Variants in CASR observed in about 807,000 individuals in gnomAD.
The protein encoded by CASR is calcium sensing receptor.
A neutral mutation model predicts 69.1 loss-of-function variants in CASR; 23 were observed. The ratio of observed to expected loss-of-function variants is 0.33; its 90% CI spans 0.24 to 0.47. The LOEUF (loss-of-function observed/expected upper bound fraction) is 0.47. Among genes scored for constraint, CASR ranks in the 20% least tolerant of loss-of-function variants. The probability of loss-of-function intolerance (pLI) is 1.00; values close to 1 mark genes in which losing one functional copy is unlikely to be tolerated. For missense variants in CASR, 924 were observed against 1,356.1 expected (o/e 0.68, Z 5.00); for synonymous variants, 541 against 544.7 (o/e 0.99, Z 0.10).
At chr3:122,201,115 G>GTCCC (rs2073946209) in intron 1 of CASR, among the ~76,000 whole-genome samples, 1 of 151,516 alleles carries the variant, frequency 6.6e-6, no homozygotes, top group African/African-American at 2.4e-5. Context: ...GTGAACAAAG[G>GTCCC]TCCCTGGTTT....
In CASR at chr3:122,284,475, A is replaced by T. The variant is rs2074939939; in HGVS notation, c.2521A>T (p.Ile841Phe). The change falls in exon 7 of 7, where the codon ATC becomes TTC. Residue 841 changes from isoleucine to phenylalanine, a missense_variant. Ile to Phe is a conservative substitution (Grantham distance 21, BLOSUM62 0). Around this residue, in one of 8 missense-constraint regions of CASR, gnomAD observed 0 missense variants for 16.6 expected, o/e 0.00. Transcript: ENST00000639785. ...KFVSAVEVIA[I>F]LAASFGLLAC... ...TGTCTCTGCCGTAGAGGTGATTGCC[A>T]TCCTGGCAGCCAGCTTTGGCTTGCT... is the stretch of plus-strand genomic sequence containing the variant. 6.2e-7 allele frequency: 1 copy of T among 1,613,452 alleles called. No individual in the cohort carries two copies. Among genetic ancestry groups the T allele is most frequent in the Admixed American group, 1.7e-5 (1 of 60,012 alleles).
At position 122,284,778 on chromosome 3, in the gene CASR, G is replaced by GAGC. The variant is rs747740545; in HGVS notation, c.2837_2839dup (p.Gln946dup). On this transcript the variant is annotated inframe_insertion, in exon 7 of 7. Coordinates refer to ENST00000639785, the MANE Select transcript of CASR (RefSeq NM_000388.4). ...GCAGCCGCTGGCCCTAACCCAGCAA[G>GAGC]AGCAGCAGCAGCAGCCCCTGACCCT... is the stretch of plus-strand genomic sequence containing the variant. 1.2e-5 allele frequency: 20 copies of GAGC among 1,613,906 alleles called. No individual in the cohort carries two copies. The highest frequency in any genetic ancestry group is 1.6e-5 in the Non-Finnish European group (19 of 1,180,008).
At chr3:122,224,350 G>A (rs1197705866) in intron 1 of CASR, among the ~76,000 whole-genome samples, 3 of 152,112 alleles carry the variant, frequency 2.0e-5, no homozygotes, top group African/African-American at 7.2e-5. Flanking sequence ...AAAGTTTTAG[G>A]ATACAAAATC....
chr3:122,269,947 T>A (rs1457121370), intron 4 of CASR, among the ~76,000 whole-genome samples: 4 of 152,136 alleles, frequency 2.6e-5, no homozygotes, highest in African/African-American at 9.7e-5. Context: ...GTTCAAGAGA[T>A]TCTTCTGCCT....
intron 1 of CASR, among the ~76,000 whole-genome samples, chr3:122,222,267 A>G (rs1433127528): frequency 2.6e-5 from 4 of 152,104 alleles, no homozygotes; most frequent in Non-Finnish European, 1.5e-5. Flanking sequence ...TGAGATATCC[A>G]CCACTTTTAA....
At chr3:122,277,118 G>A (rs2074832108) in intron 5 of CASR, among the ~76,000 whole-genome samples, 3 of 145,704 alleles carry the variant, frequency 2.1e-5, no homozygotes, top group South Asian at 4.3e-4. Context: ...GCACAATCTC[G>A]GCTCGCTGAA....
At chr3:122,213,025 C>A (rs1053781440) in intron 1 of CASR, among the ~76,000 whole-genome samples, 20 of 152,096 alleles carry the variant, frequency 1.3e-4, no homozygotes, top group Admixed American at 1.1e-3. Flanking sequence ...ATTACCTAAG[C>A]GCCCAGAAAG....
At chr3:122,273,686 A>C (rs150801520) in intron 4 of CASR, among the ~76,000 whole-genome samples, 3 of 152,272 alleles carry the variant, frequency 2.0e-5, no homozygotes, top group African/African-American at 7.2e-5. Flanking sequence ...CCCCAGCAGG[A>C]AGTGGGAGGG....
intron 1 of CASR, among the ~76,000 whole-genome samples, chr3:122,250,471 A>G (rs1258549531): frequency 2.0e-5 from 3 of 152,348 alleles, no homozygotes; most frequent in African/African-American, 4.8e-5. Context: ...GCCAGTTATA[A>G]TGTTCTCTCT....
rs186458835 is a variant in CASR at position 122,211,223 on chromosome 3, C to G, written c.-243+27411C>G. On this transcript the variant is annotated intron_variant, in intron 1 of 6. Transcript: ENST00000639785. Reference sequence around the variant, plus strand: ...ATGTCAAAAGCAATTGCAACACAAGCAAAAACTGACAAATGGGATCTAATT... The same window carrying G: ...ATGTCAAAAGCAATTGCAACACAAGGAAAAACTGACAAATGGGATCTAATT... Among the ~76,000 whole-genome samples the G allele has an allele frequency of 2.6e-3, 399 of 152,080 alleles. 2 individuals are homozygous for G. Among genetic ancestry groups the G allele is most frequent in the Non-Finnish European group, 4.4e-3 (298 of 67,968 alleles).
At position 122,280,861 on chromosome 3, in the gene CASR, T is replaced by C. The variant is rs572907868; in HGVS notation, c.1609-1252T>C. Among the ~76,000 whole-genome samples, 6 of 152,352 alleles carry C rather than the reference T, an allele frequency of 3.9e-5. No homozygotes were observed. The South Asian group carries it at 1.2e-3, about 32-fold the overall frequency. On this transcript the variant is annotated intron_variant, in intron 5 of 6. Coordinates refer to ENST00000639785, the MANE Select transcript of CASR (RefSeq NM_000388.4). ...TAAAAGCCCTACTATGTATTAAGCA[T>C]TACTCCAGGCTTTGTACCTGGGGTT...
At chr3:122,198,659 TA>T (rs1009591002) in intron 1 of CASR, among the ~76,000 whole-genome samples, 16 of 152,058 alleles carry the variant, frequency 1.1e-4, no homozygotes, top group African/African-American at 3.9e-4. Flanking sequence ...TGTTGTTTTT[TA>T]GGCAAATAAA....
rs1303452989 is a variant in CASR at position 122,284,600 on chromosome 3, G to T, written c.2646G>T (p.Lys882Asn). 6.2e-7 allele frequency: 1 copy of T among 1,614,030 alleles called. No homozygotes were observed. The highest frequency in any genetic ancestry group is 8.5e-7 in the Non-Finnish European group (1 of 1,180,032). ...VRCSTAAHAFKVAARATLRRS... is the reference protein window; with the variant it reads ...VRCSTAAHAFNVAARATLRRS... ...GCAGCACCGCAGCTCACGCTTTCAA[G>T]GTGGCTGCCCGGGCCACGCTGCGCC... is the stretch of plus-strand genomic sequence containing the variant. The change falls in exon 7 of 7, where the codon AAG (lysine) becomes AAT (asparagine). Residue 882 changes from lysine to asparagine, a missense_variant. Lys to Asn is a moderately conservative substitution (Grantham distance 94). Transcript: ENST00000639785.
chr3:122,256,815 G>A (rs557329155), intron 2 of CASR, among the ~76,000 whole-genome samples: 11 of 152,036 alleles, frequency 7.2e-5, no homozygotes, highest in Non-Finnish European at 1.5e-4. Context: ...ACGGGGTTTC[G>A]CCATGTTTTT....
At chr3:122,277,192 G>A (rs1385881996) in intron 5 of CASR, among the ~76,000 whole-genome samples, 3 of 151,680 alleles carry the variant, frequency 2.0e-5, no homozygotes, top group Admixed American at 6.6e-5. Context: ...GGAATTACAG[G>A]CGCACCACCA....
In CASR at chr3:122,262,234, A is replaced by T. The variant is rs576643925; in HGVS notation, c.1199A>T (p.Asn400Ile). The change falls in exon 4 of 7, where the codon AAC (asparagine) becomes ATC (isoleucine). Residue 400 changes from asparagine (N) to isoleucine (I), a missense_variant. Transcript: ENST00000639785. ...CGACCCCTCTGTACAGGGGATGAGA[A>T]CATCAGCAGTGTCGAGACCCCTTAC... The part of the protein sequence containing the change: ...AFRPLCTGDE[N>I]ISSVETPYID... 14 of 1,614,180 alleles carry T rather than the reference A, an allele frequency of 8.7e-6. No homozygotes were observed. In the South Asian group the frequency reaches 1.3e-4, roughly 15 times the overall value.
In CASR at chr3:122,284,923, G is replaced by A. The variant is rs1460157833; in HGVS notation, c.2969G>A (p.Arg990Lys). ...DEPQKNAMAH[R>K]NSTHQNSLEA... ...CCTCAGAAGAACGCCATGGCCCACA[G>A]GAATTCTACGCACCAGAACTCCCTG... is the stretch of plus-strand genomic sequence containing the variant. The change falls in exon 7 of 7, where the codon AGG (arginine) becomes AAG (lysine). Residue 990 changes from arginine to lysine, a missense_variant. Transcript: ENST00000639785. 2 of 1,614,186 alleles carry A rather than the reference G, an allele frequency of 1.2e-6. No individual in the cohort carries two copies. The highest frequency in any genetic ancestry group is 2.2e-5 in the South Asian group (2 of 91,078).
At chr3:122,276,540 G>T (rs1439965351) in intron 5 of CASR, among the ~76,000 whole-genome samples, 1 of 152,142 alleles carries the variant, frequency 6.6e-6, no homozygotes, top group Non-Finnish European at 1.5e-5. Context: ...ACATGACAAA[G>T]AATTGATCCC....
At chr3:122,279,294 T>C (rs2074859771) in intron 5 of CASR, among the ~76,000 whole-genome samples, 1 of 152,210 alleles carries the variant, frequency 6.6e-6, no homozygotes. Context: ...TTGGGAGTTA[T>C]TATTTTGAGA....
Sources: allele counts gnomAD v4.1 joint callset (sites outside exome capture counted in the v4.1 genomes callset), GRCh38; gene constraint gnomAD v4.1.1; regional missense constraint gnomAD v4.1.1; transcripts MANE v1.5; gene names NCBI Gene and HGNC (gene_info 2026-07-23, HGNC 2026-07-21).